The following RMND5B variants were observed in gnomAD, a reference collection of about 807,000 sequenced individuals.
RMND5B encodes the protein required for meiotic nuclear division 5 homolog B.
Under a neutral mutation model 50.4 loss-of-function variants are expected in RMND5B, and 42 were observed. That is an observed-to-expected ratio of 0.83 (90% CI 0.65 to 1.08). The LOEUF is 1.08. Among genes scored for constraint, RMND5B ranks in the 50% least tolerant of loss-of-function variants. RMND5B has a pLI of 0.00. For synonymous variants in RMND5B, 220 were observed against 210.0 expected (o/e 1.05, Z -0.41); for missense variants, 463 against 508.5 (o/e 0.91, Z 0.86).
intron 3 of RMND5B, 45 bp from the exon 4 acceptor site, chr5:178,142,538 G>A (rs540669705): frequency 4.1e-5 from 65 of 1,571,120 alleles, no homozygotes; most frequent in Middle Eastern, 3.4e-4. Flanking sequence ...CAAGGCAGGT[G>A]CCCCAGTCTG....
chr5:178,134,436 G>A (rs1269265224), intron 2 of RMND5B, among the ~76,000 whole-genome samples: 1 of 152,178 alleles, frequency 6.6e-6, no homozygotes, highest in East Asian at 1.9e-4. Context: ...GGTCATCCTG[G>A]TGGATAATTT....
chr5:178,147,231 C>T (rs897622806), intron 8 of RMND5B: 5 of 420,694 alleles, frequency 1.2e-5, no homozygotes, highest in Admixed American at 8.1e-5. Context: ...GCTCACTGTT[C>T]CCTAGTCACA....
At chr5:178,140,494 GTT>G (rs1758869275) in intron 3 of RMND5B, among the ~76,000 whole-genome samples, 1 of 152,040 alleles carries the variant, frequency 6.6e-6, no homozygotes, top group Non-Finnish European at 1.5e-5. Context: ...TGATCACTTA[GTT>G]AAGATGGTCG....
chr5:178,132,889 C>CAG (rs10638111), intron 2 of RMND5B, among the ~76,000 whole-genome samples: 114,555 of 148,002 alleles, frequency 0.77, 44,399 homozygotes, highest in Middle Eastern at 0.85. Context: ...TTTTTTGAGA[C>CAG]AGTCTCACTC....
intron 6 of RMND5B, 30 bp downstream of exon 6, chr5:178,143,757 A>G: frequency 6.4e-7 from 1 of 1,563,456 alleles, no homozygotes; most frequent in Non-Finnish European, 8.8e-7. Context: ...GGCCAGCAGC[A>G]TTCTGCTTCG....
rs1440821226 is a variant in RMND5B at position 178,150,558 on chromosome 5, T to C, written c.*2526T>C. 1 of 412,816 alleles carries C rather than the reference T, an allele frequency of 2.4e-6. No individual in the cohort carries two copies. The highest frequency in any genetic ancestry group is 2.0e-5 in the African/African-American group (1 of 49,034). The allele number at this position is 412,816 out of a possible 1,614,324, so 25.6% of individuals were successfully genotyped here. ...CCACACCCAGCTAATTAAAAAAATT[T>C]TTTTTGTAGAGATGGAGTCTCACTT... On this transcript the variant is annotated 3_prime_UTR_variant, in exon 11 of 11. Transcript: ENST00000313386.
intron 7 of RMND5B, 125 bp from the exon 8 acceptor site, chr5:178,145,989 C>T: frequency 1.1e-6 from 1 of 937,276 alleles, no homozygotes; most frequent in South Asian, 1.9e-5. Flanking sequence ...CCTGCTCAGT[C>T]TCCTCAGGGG....
Position 178,137,061 on chromosome 5 carries a change from G to T in RMND5B, c.-12-1047G>T, listed in dbSNP as rs1407797929. The stretch of plus-strand genomic sequence containing the variant: ...CAGGCTAGAGACAGCTGCTGAAGAC[G>T]CTGACGTCTGAGCTAACTCAGAAGT... On this transcript the variant is annotated intron_variant, in intron 2 of 10. Coordinates refer to ENST00000313386, the MANE Select transcript of RMND5B (RefSeq NM_022762.5). The surrounding 1 kb of genome is among the most constrained non-coding windows in gnomAD (Gnocchi z 4.4). Among the ~76,000 whole-genome samples, 1 of 152,170 alleles carries T rather than the reference G, an allele frequency of 6.6e-6. No homozygotes were observed. The highest frequency in any genetic ancestry group is 1.5e-5 in the Non-Finnish European group (1 of 68,028).
chr5:178,146,195 G>C lies in RMND5B; in HGVS notation c.776G>C (p.Ser259Thr). The C allele has an allele frequency of 6.2e-7, 1 of 1,614,202 alleles. No homozygotes were observed. Residue 259 changes from serine (S) to threonine (T), a missense_variant, in exon 8 of 11, where the codon AGC becomes ACC. By Grantham distance (58) the Ser-to-Thr change is moderately conservative. Transcript: ENST00000313386. ...CCCTACTGCCACCTGCTGGACAGCA[G>C]CCACTGGGCAGAGATCTGTGAGACC... Reference protein sequence around the residue: ...KSPYCHLLDSSHWAEICETFT... With the variant: ...KSPYCHLLDSTHWAEICETFT...
rs768081247 is a variant in RMND5B at position 178,142,643 on chromosome 5, A to G, written c.200A>G (p.Lys67Arg). The change falls in exon 4 of 11, where the codon AAG becomes AGG. Residue 67 changes from lysine to arginine, a missense_variant. Transcript: ENST00000313386. ...CTGGTGATGTCACAGTGCTGCCGGA[A>G]GATCAAAGATACGGTGCAGAAACTG... The part of the protein sequence containing the change: ...LSLVMSQCCR[K>R]IKDTVQKLAS... The G allele has an allele frequency of 1.2e-6, 2 of 1,614,228 alleles. No homozygotes were observed. Among genetic ancestry groups the G allele is most frequent in the South Asian group, 1.1e-5 (1 of 91,084 alleles).
intron 8 of RMND5B, 95 bp downstream of exon 8, chr5:178,146,374 G>T: frequency 1.6e-6 from 2 of 1,233,080 alleles, no homozygotes; most frequent in African/African-American, 1.5e-5. Context: ...ACAGTGCTCG[G>T]TGCTTTCAGA....
intron 2 of RMND5B, among the ~76,000 whole-genome samples, chr5:178,134,810 T>C (rs1355537268): frequency 9.5e-6 from 1 of 105,014 alleles, no homozygotes; most frequent in South Asian, 3.7e-4. Context: ...TTACTAAAAA[T>C]ACAAAAATGA....
rs2113463907 is a variant in RMND5B at position 178,149,955 on chromosome 5, A to G, written c.*1923A>G. 1.8e-6 allele frequency: 2 copies of G among 1,133,402 alleles called. No individual in the cohort carries two copies. The highest frequency in any genetic ancestry group is 2.4e-5 in the East Asian group (1 of 41,060). The allele number at this position is 1,133,402 out of a possible 1,614,324, so 70.2% of individuals were successfully genotyped here. On this transcript the variant is annotated 3_prime_UTR_variant, in exon 11 of 11. Coordinates refer to ENST00000313386, the MANE Select transcript of RMND5B (RefSeq NM_022762.5). ...CCCACAACCATGTTCTGTTCGGTCC[A>G]TGTTCTATTTAAAAGCATCTTGAAT...
chr5:178,141,672 A>G (rs926492238), intron 3 of RMND5B: 2 of 152,188 alleles, frequency 1.3e-5, no homozygotes, highest in South Asian at 2.1e-4. Flanking sequence ...AGCCAGTCTC[A>G]TAACTCGGTC....
At chr5:178,132,789 CAAA>C (rs58710080) in intron 2 of RMND5B, among the ~76,000 whole-genome samples, 18 of 38,900 alleles carry the variant, frequency 4.6e-4, no homozygotes, top group South Asian at 2.0e-3. Context: ...CCCTGCCTCA[CAAA>C]AAAAAAAAAA....
Position 178,142,978 on chromosome 5 carries a change from G to A in RMND5B, c.412G>A (p.Glu138Lys), listed in dbSNP as rs762571725. The stretch of plus-strand genomic sequence containing the variant: ...TCAGCAGGGCATGCTCAGCGTGGCC[G>A]AGGAGCTGTGCCAGGTACAGTCGGG... ...LYQQGMLSVA[E>K]ELCQESTLNV... The change falls in exon 5 of 11, where the codon GAG becomes AAG. Residue 138 changes from glutamate to lysine, a missense_variant. Physicochemically the swap from Glu to Lys is moderately conservative, Grantham distance 56. Transcript: ENST00000313386. 5 of 1,613,476 alleles carry A rather than the reference G, an allele frequency of 3.1e-6. No individual in the cohort carries two copies. Among genetic ancestry groups the A allele is most frequent in the Middle Eastern group, 1.7e-4 (1 of 6,060 alleles).
chr5:178,138,393 C>G lies in RMND5B; in HGVS notation c.139+135C>G. On this transcript the variant is annotated intron_variant, in intron 3 of 10. Coordinates refer to ENST00000313386, the MANE Select transcript of RMND5B (RefSeq NM_022762.5). This position sits in a 1 kb window ranked among gnomAD's most constrained non-coding sequence, Gnocchi z 5.1. ...CCTGCATCTGTAGGCCTCCTTGAAACCGGGTAATGACAGTCTCTGAGCTAC... is the reference window on the plus strand; with the variant it reads ...CCTGCATCTGTAGGCCTCCTTGAAAGCGGGTAATGACAGTCTCTGAGCTAC... The G allele has an allele frequency of 7.0e-7, 1 of 1,427,190 alleles. No homozygotes were observed. Among genetic ancestry groups the G allele is most frequent in the Non-Finnish European group, 9.2e-7 (1 of 1,091,386 alleles). The allele number at this position is 1,427,190 out of a possible 1,614,324, so 88.4% of individuals were successfully genotyped here. A position where few individuals can be genotyped will look rare whatever the true frequency, so the allele number is the denominator to read the frequency against.
rs1440821226 is a variant in RMND5B, at chr5:178,150,558, T to G, written c.*2526T>G. On this transcript the variant is annotated 3_prime_UTR_variant, in exon 11 of 11. Transcript: ENST00000313386. ...CCACACCCAGCTAATTAAAAAAATT[T>G]TTTTTGTAGAGATGGAGTCTCACTT... 2 of 412,698 alleles carry G rather than the reference T, an allele frequency of 4.8e-6. No individual in the cohort carries two copies. The highest frequency in any genetic ancestry group is 9.3e-6 in the Non-Finnish European group (2 of 215,966). 25.6% of individuals were successfully genotyped at this position (412,698 alleles called of 1,614,324 possible).
chr5:178,141,684 CAAAAT>C (rs1440883744), intron 3 of RMND5B: 1 of 151,958 alleles, frequency 6.6e-6, no homozygotes, highest in Non-Finnish European at 1.5e-5. Flanking sequence ...AACTCGGTCT[CAAAAT>C]AAATAAATAC....
Sources: allele counts gnomAD v4.1 joint callset (sites outside exome capture counted in the v4.1 genomes callset), GRCh38; gene constraint gnomAD v4.1.1; non-coding constraint Gnocchi (gnomAD v3.1); transcripts MANE v1.5; gene names NCBI Gene and HGNC (gene_info 2026-07-23, HGNC 2026-07-21).